The following GFRA1 variants were observed in gnomAD, a reference collection of about 807,000 sequenced individuals.
The protein encoded by GFRA1 is GDNF family receptor alpha 1.
In GFRA1, 16 loss-of-function variants were observed where a neutral mutation model predicts 51.6. That is an observed-to-expected ratio of 0.31 (90% CI 0.21 to 0.47). The LOEUF (loss-of-function observed/expected upper bound fraction) is 0.47. Among genes scored for constraint, GFRA1 ranks in the 20% least tolerant of loss-of-function variants. GFRA1 has a pLI of 1.00. For missense variants in GFRA1, 530 were observed against 594.3 expected (o/e 0.89, Z 1.13); for synonymous variants, 270 against 241.3 (o/e 1.12, Z -1.10).
chr10:116,214,105 C>A (rs1287910901), intron 4 of GFRA1, among the ~76,000 whole-genome samples: 4 of 66,792 alleles, frequency 6.0e-5, no homozygotes, highest in African/African-American at 2.2e-4. Context: ...AAATATACCA[C>A]TTTCACCTGC....
chr10:116,238,264 C>T (rs1246551513), intron 4 of GFRA1, among the ~76,000 whole-genome samples: 1 of 152,106 alleles, frequency 6.6e-6, no homozygotes, highest in Admixed American at 6.5e-5. Context: ...CCCTGGGGAA[C>T]GCCGCCTGCC....
At chr10:116,106,252 T>C (rs924603069) in intron 6 of GFRA1, among the ~76,000 whole-genome samples, 10 of 152,282 alleles carry the variant, frequency 6.6e-5, no homozygotes, top group South Asian at 6.2e-4. Flanking sequence ...AGAGAATAAA[T>C]GTGTGTTGTT....
Position 116,103,849 on chromosome 10 carries a change from A to T in GFRA1, c.771-7085T>A, listed in dbSNP as rs114431480. ...ACATCTGGAAAGCATCCTTCAGGAA[A>T]CCAGGGCCTGTATTAAATACATTTT... On this transcript the variant is annotated intron_variant, in intron 6 of 10. Coordinates refer to ENST00000355422, the MANE Select transcript of GFRA1 (RefSeq NM_005264.8). Among the ~76,000 whole-genome samples the T allele has an allele frequency of 2.7e-3, 418 of 152,328 alleles. 2 individuals are homozygous for T. The highest frequency in any genetic ancestry group is 9.1e-3 in the African/African-American group (379 of 41,592).
At chr10:116,256,859 C>T (rs529164069) in intron 4 of GFRA1, among the ~76,000 whole-genome samples, 185 of 152,336 alleles carry the variant, frequency 1.2e-3, no homozygotes, top group Non-Finnish European at 1.8e-3. Context: ...CTACCCAGCA[C>T]GGTTCCAGAG....
At chr10:116,110,100 C>T (rs995550040) in intron 6 of GFRA1, among the ~76,000 whole-genome samples, 4 of 152,202 alleles carry the variant, frequency 2.6e-5, no homozygotes, top group Admixed American at 2.0e-4. Context: ...CAGCAGGTGT[C>T]GCCTCCTTCC....
rs920818916 is a variant in GFRA1 at position 116,060,615 on chromosome 10, C to G, written c.*3783G>C. Reference sequence around the variant, plus strand: ...AATTCTCTCCTGCCTGTTGTCATTGCTTTTAGGTCGTTCTTGAAAAGATGG... The same window carrying G: ...AATTCTCTCCTGCCTGTTGTCATTGGTTTTAGGTCGTTCTTGAAAAGATGG... On this transcript the variant is annotated 3_prime_UTR_variant, in exon 11 of 11. Transcript: ENST00000355422. 3.3e-5 allele frequency: 5 copies of G among 152,132 alleles called. No homozygotes were observed. Among genetic ancestry groups the G allele is most frequent in the African/African-American group, 9.7e-5 (4 of 41,436 alleles). The allele number at this position is 152,132 out of a possible 1,614,324, so 9.4% of individuals were successfully genotyped here. A position where few individuals can be genotyped will look rare whatever the true frequency, so the allele number is the denominator to read the frequency against.
At chr10:116,153,959 G>C (rs11197551) in intron 5 of GFRA1, among the ~76,000 whole-genome samples, 103,645 of 152,108 alleles carry the variant, frequency 0.68, 37,522 homozygotes, top group East Asian at 0.8. Flanking sequence ...ATTTCAAAAA[G>C]AGAACATTTA....
chr10:116,148,649 T>C (rs1287064411), intron 5 of GFRA1, among the ~76,000 whole-genome samples: 1 of 152,200 alleles, frequency 6.6e-6, no homozygotes, highest in East Asian at 1.9e-4. Context: ...GCTCAAAAGA[T>C]TGTTCCAGAA....
intron 3 of GFRA1, among the ~76,000 whole-genome samples, chr10:116,270,349 A>G (rs1490078455): frequency 6.6e-6 from 1 of 152,190 alleles, no homozygotes; most frequent in Non-Finnish European, 1.5e-5. Context: ...GAGGGTGAAG[A>G]TACACTGGAT....
Position 116,251,036 on chromosome 10 carries a change from C to T in GFRA1, c.418+18467G>A, listed in dbSNP as rs114404034. ...TCAAAGTCACCTCCTCAGAGAGGCA[C>T]ATTCTGATTTCCACGTGTAAAAGGG... On this transcript the variant is annotated intron_variant, in intron 4 of 10. Coordinates refer to ENST00000355422, the MANE Select transcript of GFRA1 (RefSeq NM_005264.8). 8.1e-3 allele frequency among the ~76,000 whole-genome samples: 1,236 copies of T among 152,350 alleles called. 19 individuals carry two copies. Among genetic ancestry groups the T allele is most frequent in the African/African-American group, 0.028 (1,166 of 41,572 alleles).
At chr10:116,218,438 T>C (rs539390877) in intron 4 of GFRA1, among the ~76,000 whole-genome samples, 129 of 152,302 alleles carry the variant, frequency 8.5e-4, no homozygotes, top group African/African-American at 3.0e-3. Context: ...AAGAGTTCCA[T>C]TGCTTTATTA....
At chr10:116,086,301 T>C (rs1956097208) in intron 9 of GFRA1, among the ~76,000 whole-genome samples, 1 of 152,152 alleles carries the variant, frequency 6.6e-6, no homozygotes, top group South Asian at 2.1e-4. Flanking sequence ...CCACCTTCCA[T>C]CTGTTGTAAA....
At chr10:116,228,564 C>T (rs1429155902) in intron 4 of GFRA1, among the ~76,000 whole-genome samples, 1 of 152,118 alleles carries the variant, frequency 6.6e-6, no homozygotes, top group Non-Finnish European at 1.5e-5. Context: ...TAGGTGGGCC[C>T]AGCCTAATCA....
chr10:116,098,472 G>C (rs1382083229), intron 6 of GFRA1, among the ~76,000 whole-genome samples: 1 of 152,190 alleles, frequency 6.6e-6, no homozygotes. Flanking sequence ...CATCCAGCTT[G>C]GATTGAGTGT....
rs1954996602 is a variant in GFRA1, at chr10:116,064,418, A to G, written c.1378T>C (p.Ser460Pro). Residue 460 changes from serine (S) to proline (P), a missense_variant, in exon 11 of 11, where the codon TCT (serine) becomes CCT (proline). By Grantham distance (74) the Ser-to-Pro change is moderately conservative (BLOSUM62 -1). Coordinates refer to ENST00000355422, the MANE Select transcript of GFRA1 (RefSeq NM_005264.8). ...TGCAGCTATGATGTTTCTGTTAAAG[A>G]TAATAGGGTGGACAGAGCGGTTACC... ...LVVTALSTLL[S>P]LTETS 2.5e-6 allele frequency: 4 copies of G among 1,612,786 alleles called. No homozygotes were observed. The highest frequency in any genetic ancestry group is 3.4e-6 in the Non-Finnish European group (4 of 1,179,838).
At chr10:116,203,192 T>G (rs2134398225) in intron 5 of GFRA1, among the ~76,000 whole-genome samples, 1 of 152,226 alleles carries the variant, frequency 6.6e-6, no homozygotes, top group Middle Eastern at 3.4e-3. Context: ...AAGAACACAT[T>G]TCTATGAACT....
chr10:116,189,191 T>C (rs1273978163), intron 5 of GFRA1, among the ~76,000 whole-genome samples: 2 of 151,750 alleles, frequency 1.3e-5, no homozygotes, highest in Non-Finnish European at 2.9e-5. Context: ...TGCCTCTTCA[T>C]AGACTTAAAG....
chr10:116,064,298 C>G lies in GFRA1; in HGVS notation c.*100G>C. On this transcript the variant is annotated 3_prime_UTR_variant, in exon 11 of 11. Coordinates refer to ENST00000355422, the MANE Select transcript of GFRA1 (RefSeq NM_005264.8). ...CCAGTTGAATGGAACTGTTTCTCAA[C>G]TGAGCTCCTAAACTGGAATTTCAGC... 9.8e-7 allele frequency: 1 copy of G among 1,019,382 alleles called. No homozygotes were observed. Among genetic ancestry groups the G allele is most frequent in the Non-Finnish European group, 1.5e-6 (1 of 663,588 alleles). 63.1% of individuals were successfully genotyped at this position (1,019,382 alleles called of 1,614,324 possible).
chr10:116,234,352 C>T (rs1436703625), intron 4 of GFRA1, among the ~76,000 whole-genome samples: 1 of 152,208 alleles, frequency 6.6e-6, no homozygotes, highest in Non-Finnish European at 1.5e-5. Context: ...CCAGCTCCAA[C>T]TGGTGAGGGG....
Sources: gnomAD v4.1 joint callset for allele counts (sites outside exome capture counted in the v4.1 genomes callset) on GRCh38, gnomAD v4.1.1 for gene constraint, MANE v1.5 for transcripts, NCBI Gene and HGNC (gene_info 2026-07-23, HGNC 2026-07-21) for gene names.